The following RBFOX1 variants were observed in gnomAD, a reference collection of about 807,000 sequenced individuals.
The protein encoded by RBFOX1 is RNA binding fox-1 homolog 1.
A neutral mutation model predicts 57.7 loss-of-function variants in RBFOX1; 8 were observed. That is an observed-to-expected ratio of 0.14 (90% CI 0.08 to 0.25). The LOEUF is 0.25. Ranked by LOEUF, RBFOX1 falls within the 10% of genes least tolerant of loss-of-function variation. The pLI, the probability that RBFOX1 is intolerant of heterozygous loss-of-function variation, is 1.00. For synonymous variants in RBFOX1, 326 were observed against 222.4 expected, an observed-to-expected ratio of 1.47 and a Z score of -4.15; for missense variants, 611 against 548.5, an observed-to-expected ratio of 1.11 and a Z score of -1.14.
chr16:6,483,313 C>T (rs895744463), intron 2 of RBFOX1: 22 of 1,420,092 alleles, frequency 1.5e-5, no homozygotes, highest in East Asian at 2.6e-5. Context: ...CGCCCGCGCG[C>T]TCGGGGCGTT....
chr16:6,390,789 G>A (rs560250077), intron 2 of RBFOX1, among the ~76,000 whole-genome samples: 4 of 152,218 alleles, frequency 2.6e-5, no homozygotes, highest in African/African-American at 9.6e-5. Context: ...GGATCAATTA[G>A]TGCAAAGGTC....
intron 1 of RBFOX1, among the ~76,000 whole-genome samples, chr16:5,457,900 A>G (rs2068678195): frequency 6.6e-6 from 1 of 152,166 alleles, no homozygotes; most frequent in Non-Finnish European, 1.5e-5. Flanking sequence ...GCCCTCCTTA[A>G]CTATATGAAT....
intron 4 of RBFOX1, among the ~76,000 whole-genome samples, chr16:5,893,908 T>TA (rs1021132462): frequency 6.6e-6 from 1 of 151,796 alleles, no homozygotes; most frequent in African/African-American, 2.4e-5. Context: ...TTAGAACAAT[T>TA]AAAAAAAAGA....
At position 6,653,686 on chromosome 16, in the gene RBFOX1, A is replaced by G. The variant is rs149513629; in HGVS notation, c.-63-917A>G. 2.6e-3 allele frequency among the ~76,000 whole-genome samples: 392 copies of G among 149,316 alleles called. 2 individuals carry two copies. The highest frequency in any genetic ancestry group is 8.8e-3 in the African/African-American group (355 of 40,338). On this transcript the variant is annotated intron_variant, in intron 2 of 15. Transcript: ENST00000550418. ...GTGGGTGGAGGGATGAATGGAGGGTAGATGAAGGAAGGAAAGATGGATGAA... is the reference window on the plus strand; with the variant it reads ...GTGGGTGGAGGGATGAATGGAGGGTGGATGAAGGAAGGAAAGATGGATGAA...
intron 4 of RBFOX1, among the ~76,000 whole-genome samples, chr16:7,355,538 A>C (rs763021252): frequency 7.9e-5 from 12 of 152,176 alleles, no homozygotes; most frequent in African/African-American, 1.2e-4. Context: ...ACGTGTGTTA[A>C]GCAAGTGGGA....
chr16:6,092,136 C>T (rs1343098570), intron 1 of RBFOX1, among the ~76,000 whole-genome samples: 1 of 152,228 alleles, frequency 6.6e-6, no homozygotes, highest in Non-Finnish European at 1.5e-5. Context: ...CCAACTGGTA[C>T]ATGGGCTTGG....
At chr16:7,580,008 C>A (rs1214456578) in intron 6 of RBFOX1, 88 bp downstream of exon 6, 8 of 1,424,582 alleles carry the variant, frequency 5.6e-6, no homozygotes, top group African/African-American at 1.4e-5. Flanking sequence ...ATTTACAATA[C>A]TAAGGTTAGA....
At chr16:7,455,830 C>T (rs2058401090) in intron 4 of RBFOX1, among the ~76,000 whole-genome samples, 1 of 150,210 alleles carries the variant, frequency 6.7e-6, no homozygotes, top group Admixed American at 6.6e-5. Context: ...AACTGATTCA[C>T]ATTTCAATCA....
intron 4 of RBFOX1, among the ~76,000 whole-genome samples, chr16:7,086,854 T>C (rs2060070936): frequency 6.6e-6 from 1 of 152,166 alleles, no homozygotes; most frequent in South Asian, 2.1e-4. Flanking sequence ...CTGGGCTTAG[T>C]TGGTGGGGCT....
chr16:5,676,427 G>T (rs571069624), intron 3 of RBFOX1, among the ~76,000 whole-genome samples: 1 of 152,300 alleles, frequency 6.6e-6, no homozygotes, highest in South Asian at 2.1e-4. Flanking sequence ...TAAGAGAGCA[G>T]ACTCAATCTC....
intron 3 of RBFOX1, among the ~76,000 whole-genome samples, chr16:5,742,197 TCCAG>T (rs2052792125): frequency 6.6e-6 from 1 of 151,958 alleles, no homozygotes; most frequent in Non-Finnish European, 1.5e-5. Flanking sequence ...CCTTCCTTCC[TCCAG>T]TCCTTCCTCC....
At chr16:6,688,200 C>T (rs1305399602) in intron 3 of RBFOX1, among the ~76,000 whole-genome samples, 2 of 151,780 alleles carry the variant, frequency 1.3e-5, no homozygotes, top group Non-Finnish European at 2.9e-5. Flanking sequence ...AAAAGAGAAG[C>T]AGGCGTGTCT....
At chr16:7,149,158 C>G (rs1052004671) in intron 4 of RBFOX1, among the ~76,000 whole-genome samples, 1 of 152,168 alleles carries the variant, frequency 6.6e-6, no homozygotes, top group African/African-American at 2.4e-5. Context: ...GAAATCATTT[C>G]CTACTGCCCA....
At chr16:6,576,972 A>G (rs2097448448) in intron 2 of RBFOX1, 1 of 152,214 alleles carries the variant, frequency 6.6e-6, no homozygotes, top group African/African-American at 2.4e-5. Context: ...CCCCCCTTTT[A>G]TCAAAGCGGT....
intron 4 of RBFOX1, among the ~76,000 whole-genome samples, chr16:6,004,503 C>T (rs183546909): frequency 6.6e-6 from 1 of 152,334 alleles, no homozygotes; most frequent in Non-Finnish European, 1.5e-5. Flanking sequence ...CTTGGCATAT[C>T]AGAGACTTTT....
At chr16:6,938,863 C>T (rs2077826145) in intron 3 of RBFOX1, among the ~76,000 whole-genome samples, 1 of 152,070 alleles carries the variant, frequency 6.6e-6, no homozygotes, top group Non-Finnish European at 1.5e-5. Flanking sequence ...ACCTGAGAGG[C>T]AGAGGTAGCA....
intron 1 of RBFOX1, among the ~76,000 whole-genome samples, chr16:6,274,417 A>T (rs938805363): frequency 6.6e-6 from 1 of 152,230 alleles, no homozygotes; most frequent in African/African-American, 2.4e-5. Context: ...CAACAGCCTG[A>T]ATGAATCTCC....
At chr16:7,103,959 C>T (rs912925137) in intron 4 of RBFOX1, among the ~76,000 whole-genome samples, 2 of 152,088 alleles carry the variant, frequency 1.3e-5, no homozygotes, top group African/African-American at 4.8e-5. Flanking sequence ...TCCAAGTATC[C>T]GTTGGTTTAC....
At chr16:5,378,596 C>T (rs889833090) in intron 1 of RBFOX1, among the ~76,000 whole-genome samples, 12 of 151,518 alleles carry the variant, frequency 7.9e-5, no homozygotes, top group Admixed American at 2.6e-4. Context: ...CTTCCTGGGA[C>T]GTGGTACTTT....
Sources: gnomAD v4.1 joint callset for allele counts (sites outside exome capture counted in the v4.1 genomes callset) on GRCh38, gnomAD v4.1.1 for gene constraint, MANE v1.5 for transcripts, NCBI Gene and HGNC (gene_info 2026-07-23, HGNC 2026-07-21) for gene names.